MID1: variants seen among roughly 807,000 people sequenced by gnomAD.
MID1 encodes the protein midline 1, also known as E3 ubiquitin-protein ligase Midline-1.
A neutral mutation model predicts 40.4 loss-of-function variants in MID1; 7 were observed. The ratio of observed to expected loss-of-function variants is 0.17; its 90% confidence interval spans 0.10 to 0.33. MID1 has a LOEUF of 0.33. MID1 is among the 10% of genes least tolerant of loss of function. The probability of loss-of-function intolerance (pLI) is 1.00; values close to 1 mark genes in which losing one functional copy is unlikely to be tolerated. For synonymous variants in MID1, 229 were observed against 221.2 expected (o/e 1.04, Z -0.31); for missense variants, 367 against 558.5 (o/e 0.66, Z 3.46).
chrX:10,809,976 C>T (rs2044085195), intron 1 of MID1, among the ~76,000 whole-genome samples: 1 of 110,976 alleles, frequency 9.0e-6, no homozygotes, highest in Non-Finnish European at 1.9e-5. Context: ...CTCTGAGAAG[C>T]CACTCTTTTT....
chrX:10,820,463 G>A (rs2044166958), intron 1 of MID1, among the ~76,000 whole-genome samples: 1 of 111,859 alleles, frequency 8.9e-6, no homozygotes, highest in Non-Finnish European at 1.9e-5. Flanking sequence ...AAAAGATCAG[G>A]AAAGCAGAAA....
intron 1 of MID1, among the ~76,000 whole-genome samples, chrX:10,697,668 G>A (rs754331403): frequency 1.5e-4 from 17 of 111,629 alleles, no homozygotes; most frequent in Non-Finnish European, 2.3e-4. Flanking sequence ...ATCTGGCATG[G>A]CGTCTGCGGG....
At chrX:10,445,550 A>G (rs747762216), downstream of MID1, 57 of 112,311 alleles carry the variant, frequency 5.1e-4, no homozygotes, top group African/African-American at 1.6e-3. Context: ...AGGCAGAGAC[A>G]GAGGGTCTTG....
At chrX:10,654,473 A>T (rs977540625) in intron 1 of MID1, among the ~76,000 whole-genome samples, 10 of 111,759 alleles carry the variant, frequency 8.9e-5, no homozygotes, top group Non-Finnish European at 1.9e-5. Context: ...AAACTGTTCC[A>T]CTTCAGATCA....
intron 2 of MID1, among the ~76,000 whole-genome samples, chrX:10,551,532 CT>C (rs1388943696): frequency 1.8e-5 from 2 of 109,848 alleles, no homozygotes; most frequent in Non-Finnish European, 3.8e-5. Flanking sequence ...TAGGATTTTC[CT>C]TTTTTTTTAA....
At chrX:10,765,924 AAAG>A (rs1303625072) in intron 1 of MID1, among the ~76,000 whole-genome samples, 1 of 91,499 alleles carries the variant, frequency 1.1e-5, no homozygotes, top group African/African-American at 4.9e-5. Context: ...AGAAAGAAAG[AAAG>A]GAAAGGAAAG....
chrX:10,535,383 T>C (rs1264714504), intron 2 of MID1, among the ~76,000 whole-genome samples: 1 of 112,394 alleles, frequency 8.9e-6, no homozygotes, highest in East Asian at 2.8e-4. Context: ...AAAATATATT[T>C]GTAATGCAGC....
intron 1 of MID1, among the ~76,000 whole-genome samples, chrX:10,613,565 C>T (rs1002306049): frequency 2.8e-5 from 3 of 106,037 alleles, no homozygotes; most frequent in Middle Eastern, 4.5e-3. Context: ...TCTATCTTGG[C>T]GATTAGGCTT....
At chrX:10,505,192 T>C (rs1352858883) in intron 3 of MID1, 1 of 190,399 alleles carries the variant, frequency 5.3e-6, no homozygotes, top group African/African-American at 3.1e-5. Flanking sequence ...ACAACATACT[T>C]GCGGTATGGT....
chrX:10,528,631 G>C (rs1281356900), intron 2 of MID1, among the ~76,000 whole-genome samples: 1 of 111,950 alleles, frequency 8.9e-6, no homozygotes, highest in African/African-American at 3.3e-5. Flanking sequence ...TGGTGAGTGA[G>C]ATTTGACCCA....
At chrX:10,502,920 T>C (rs1931629022) in intron 3 of MID1, among the ~76,000 whole-genome samples, 1 of 112,157 alleles carries the variant, frequency 8.9e-6, no homozygotes. Context: ...TCGAAGGGGT[T>C]AGTGGTACTA....
At chrX:10,536,959 G>GT (rs1431413748) in intron 2 of MID1, among the ~76,000 whole-genome samples, 1 of 111,706 alleles carries the variant, frequency 9.0e-6, no homozygotes. Flanking sequence ...TAGAGAAGGT[G>GT]TAAGGGGGTT....
intron 1 of MID1, among the ~76,000 whole-genome samples, chrX:10,720,749 G>A (rs890568926): frequency 1.1e-4 from 12 of 110,631 alleles, no homozygotes; most frequent in Non-Finnish European, 1.3e-4. Flanking sequence ...ACATGCACAC[G>A]TATGTTTATT....
At chrX:10,665,717 G>A (rs968802892) in intron 1 of MID1, among the ~76,000 whole-genome samples, 11 of 108,807 alleles carry the variant, frequency 1.0e-4, no homozygotes, top group Non-Finnish European at 1.9e-4. Flanking sequence ...CTGTAGAGAC[G>A]AGGTCTTGCC....
rs916982484 is a variant in MID1 at position 10,473,520 on chromosome X, A to G, written c.1141+1103T>C. On this transcript the variant is annotated intron_variant, in intron 6 of 9. Coordinates refer to ENST00000317552, the MANE Select transcript of MID1 (RefSeq NM_000381.4). ...ATCTTCTGGGTACAATGCTCCCTGA[A>G]TATAGAACCCCTGGCCTTCTATCCA... Among the ~76,000 whole-genome samples, 7 of 112,176 alleles carry G rather than the reference A, an allele frequency of 6.2e-5. No homozygotes were observed. In the Admixed American group the frequency reaches 6.6e-4, roughly 11 times the overall value.
At chrX:10,776,896 A>G (rs1240116434) in intron 1 of MID1, among the ~76,000 whole-genome samples, 3 of 112,354 alleles carry the variant, frequency 2.7e-5, no homozygotes, top group Non-Finnish European at 5.6e-5. Context: ...CTTACTTCCA[A>G]TGATTTACTC....
At chrX:10,461,138 T>TACACACACACAC (rs200040870) in intron 7 of MID1, among the ~76,000 whole-genome samples, 167 of 96,783 alleles carry the variant, frequency 1.7e-3, no homozygotes, top group African/African-American at 6.0e-3. Flanking sequence ...TATCTAAAGA[T>TACACACACACAC]ACACACACAC....
At chrX:10,580,933 TAAA>T (rs757426965) in intron 1 of MID1, among the ~76,000 whole-genome samples, 72 of 58,495 alleles carry the variant, frequency 1.2e-3, no homozygotes, top group African/African-American at 4.0e-3. Flanking sequence ...TGGTGTCCTG[TAAA>T]AAAAAAAAAA....
upstream of MID1, among the ~76,000 whole-genome samples, chrX:10,620,916 A>G (rs964078626): frequency 2.7e-5 from 3 of 112,127 alleles, no homozygotes; most frequent in Non-Finnish European, 1.9e-5. Context: ...ACCCAAGGGT[A>G]TTTTTAAAAG....
Sources: allele counts gnomAD v4.1 joint callset (sites outside exome capture counted in the v4.1 genomes callset), GRCh38; gene constraint gnomAD v4.1.1; transcripts MANE v1.5; gene names NCBI Gene and HGNC (gene_info 2026-07-23, HGNC 2026-07-21).